Variants in PCGF5 observed in about 807,000 individuals in gnomAD.
The protein encoded by PCGF5 is polycomb group RING finger protein 5.
PCGF5 carries 9 observed loss-of-function variants against 44.3 expected under a neutral mutation model. That is an observed-to-expected ratio of 0.20 (90% CI 0.12 to 0.35). The LOEUF (loss-of-function observed/expected upper bound fraction) is 0.35, where lower values mean the gene tolerates loss of function less well. Ranked by LOEUF, PCGF5 falls within the 10% of genes least tolerant of loss-of-function variation. PCGF5 has a pLI of 1.00. For synonymous variants in PCGF5, 95 were observed against 102.5 expected (o/e 0.93, Z 0.44); for missense variants, 146 against 305.3 (o/e 0.48, Z 3.89).
intron 6 of PCGF5, among the ~76,000 whole-genome samples, chr10:91,257,259 T>C (rs972752217): frequency 2.6e-5 from 4 of 152,028 alleles, no homozygotes; most frequent in African/African-American, 9.7e-5. Flanking sequence ...CAATGAGATA[T>C]CATTTTATAC....
At chr10:91,177,808 C>A (rs978783474) in intron 1 of PCGF5, among the ~76,000 whole-genome samples, 1 of 152,208 alleles carries the variant, frequency 6.6e-6, no homozygotes, top group Non-Finnish European at 1.5e-5. Context: ...GTCTGTCACC[C>A]CTTTCCTTGG....
intron 9 of PCGF5, among the ~76,000 whole-genome samples, chr10:91,276,111 A>C (rs896195581): frequency 6.6e-6 from 1 of 152,126 alleles, no homozygotes; most frequent in African/African-American, 2.4e-5. Flanking sequence ...TTTTGAAAAA[A>C]AAAAACGAAT....
intron 1 of PCGF5, among the ~76,000 whole-genome samples, chr10:91,179,758 A>G (rs1032022935): frequency 6.6e-6 from 1 of 152,174 alleles, no homozygotes; most frequent in Non-Finnish European, 1.5e-5. Context: ...ATTGATGGGC[A>G]TTTAGTTTGA....
intron 7 of PCGF5, among the ~76,000 whole-genome samples, chr10:91,263,347 A>G (rs963052736): frequency 6.6e-5 from 10 of 152,202 alleles, no homozygotes; most frequent in African/African-American, 2.4e-4. Flanking sequence ...ATTCTTTCAA[A>G]AGTTAATAAA....
At chr10:91,190,963 A>G (rs983188633) in intron 1 of PCGF5, among the ~76,000 whole-genome samples, 1 of 152,172 alleles carries the variant, frequency 6.6e-6, no homozygotes, top group Non-Finnish European at 1.5e-5. Flanking sequence ...TCTGCTGGCA[A>G]CGAGTCCAGA....
chr10:91,277,481 AAAAC>A (rs1160096507), intron 9 of PCGF5, among the ~76,000 whole-genome samples: 5 of 152,344 alleles, frequency 3.3e-5, no homozygotes, highest in African/African-American at 1.2e-4. Context: ...GTACAGGGTA[AAAAC>A]AAACACAGAG....
intron 6 of PCGF5, among the ~76,000 whole-genome samples, chr10:91,256,302 G>A (rs957177844): frequency 6.6e-6 from 1 of 152,010 alleles, no homozygotes; most frequent in Non-Finnish European, 1.5e-5. Context: ...CAACAGAAAT[G>A]AAAATTTTAC....
intron 2 of PCGF5, among the ~76,000 whole-genome samples, chr10:91,228,126 T>C (rs559002218): frequency 6.6e-6 from 1 of 152,272 alleles, no homozygotes; most frequent in South Asian, 2.1e-4. Context: ...GACTGGGGAC[T>C]AGAAATTGAT....
intron 1 of PCGF5, among the ~76,000 whole-genome samples, chr10:91,165,645 G>A (rs1843486472): frequency 6.6e-6 from 1 of 152,108 alleles, no homozygotes; most frequent in Non-Finnish European, 1.5e-5. Flanking sequence ...ATGCTGCAGA[G>A]GCCTTAACTC....
chr10:91,179,463 C>G (rs1297728859), intron 1 of PCGF5, among the ~76,000 whole-genome samples: 1 of 152,050 alleles, frequency 6.6e-6, no homozygotes, highest in Admixed American at 6.6e-5. Flanking sequence ...AAGCCTAGTA[C>G]CCATTAGTTG....
At chr10:91,165,733 C>G (rs538214514) in intron 1 of PCGF5, among the ~76,000 whole-genome samples, 2 of 152,122 alleles carry the variant, frequency 1.3e-5, no homozygotes, top group Non-Finnish European at 2.9e-5. Context: ...TTTTAAACAT[C>G]TTAAATGGAT....
intron 1 of PCGF5, among the ~76,000 whole-genome samples, chr10:91,193,176 A>C (rs1450129882): frequency 6.6e-6 from 1 of 152,178 alleles, no homozygotes; most frequent in Admixed American, 6.5e-5. Context: ...GAAATGGGGC[A>C]TCAGTCCTGC....
upstream of PCGF5, among the ~76,000 whole-genome samples, chr10:91,218,425 T>C (rs923036915): frequency 2.0e-5 from 3 of 152,084 alleles, no homozygotes; most frequent in African/African-American, 7.2e-5. Context: ...CCTCATGTTG[T>C]AGCTTCCGTC....
chr10:91,177,491 C>G (rs2133182846), intron 1 of PCGF5, among the ~76,000 whole-genome samples: 1 of 152,328 alleles, frequency 6.6e-6, no homozygotes, highest in Admixed American at 6.5e-5. Context: ...TTGGCTATGC[C>G]TTGCCCCCGG....
intron 1 of PCGF5, among the ~76,000 whole-genome samples, chr10:91,170,564 C>A (rs993293172): frequency 2.6e-5 from 4 of 152,150 alleles, no homozygotes; most frequent in Non-Finnish European, 4.4e-5. Flanking sequence ...CATGATATAC[C>A]ACTATACACA....
intron 5 of PCGF5, among the ~76,000 whole-genome samples, chr10:91,250,505 T>C (rs1378815228): frequency 1.3e-5 from 2 of 151,212 alleles, no homozygotes; most frequent in Admixed American, 6.6e-5. Context: ...TTCTTTTTTT[T>C]TTTTTTTTAG....
At chr10:91,198,402 T>G (rs1234603637) in intron 1 of PCGF5, among the ~76,000 whole-genome samples, 8 of 152,232 alleles carry the variant, frequency 5.3e-5, no homozygotes, top group Admixed American at 5.2e-4. Context: ...CTTCCTTACC[T>G]GTTTTGTGGT....
chr10:91,249,671 T>C (rs532299349), intron 5 of PCGF5, among the ~76,000 whole-genome samples: 46 of 151,928 alleles, frequency 3.0e-4, no homozygotes, highest in African/African-American at 1.1e-3. Flanking sequence ...AAATGGAGAT[T>C]ATCATTTTAT....
In PCGF5 at chr10:91,254,075, C is replaced by T. The variant is rs192738233; in HGVS notation, c.474+2635C>T. Among the ~76,000 whole-genome samples the T allele has an allele frequency of 3.7e-3, 558 of 152,036 alleles. 2 individuals are homozygous for T. The highest frequency in any genetic ancestry group is 5.5e-3 in the Non-Finnish European group (375 of 67,930). ...CCTTACATTAGTATTCAAGGCCCTT[C>T]CCTAACAAGCACCTCTTTTAATAAG... On this transcript the variant is annotated intron_variant, in intron 6 of 9. Coordinates refer to ENST00000336126, the MANE Select transcript of PCGF5 (RefSeq NM_032373.5).
Sources: allele counts gnomAD v4.1 joint callset (sites outside exome capture counted in the v4.1 genomes callset), GRCh38; gene constraint gnomAD v4.1.1; transcripts MANE v1.5; gene names NCBI Gene and HGNC (gene_info 2026-07-23, HGNC 2026-07-21).